CHN2: variants seen among roughly 807,000 people sequenced by gnomAD.
CHN2 encodes chimerin 2.
A neutral mutation model predicts 56.3 loss-of-function variants in CHN2; 35 were observed. The ratio of observed to expected loss-of-function variants is 0.62; its 90% CI spans 0.47 to 0.82. The LOEUF (loss-of-function observed/expected upper bound fraction) is 0.82. Ranked by LOEUF, CHN2 falls within the 40% of genes least tolerant of loss-of-function variation. CHN2 has a pLI of 0.00. For missense variants in CHN2, 491 were observed against 580.5 expected (o/e 0.85, Z 1.58); for synonymous variants, 210 against 212.8 (o/e 0.99, Z 0.12).
intron 1 of CHN2, among the ~76,000 whole-genome samples, chr7:29,314,104 C>T (rs1239243630): frequency 1.3e-5 from 2 of 152,162 alleles, no homozygotes; most frequent in Non-Finnish European, 2.9e-5. Flanking sequence ...ATTTGTACAC[C>T]ATGCTACAGT....
chr7:29,252,028 G>A (rs988532605), intron 1 of CHN2, among the ~76,000 whole-genome samples: 1 of 152,076 alleles, frequency 6.6e-6, no homozygotes, highest in Non-Finnish European at 1.5e-5. Context: ...AAGGCTCTGG[G>A]CTAGGAGAGA....
At chr7:29,382,085 G>A (rs1800558475) in intron 3 of CHN2, among the ~76,000 whole-genome samples, 2 of 152,184 alleles carry the variant, frequency 1.3e-5, no homozygotes, top group Non-Finnish European at 2.9e-5. Context: ...GGGTAATCAT[G>A]AGGATCGACA....
intron 8 of CHN2, among the ~76,000 whole-genome samples, chr7:29,498,758 C>G (rs1465821815): frequency 1.0e-5 from 1 of 100,078 alleles, no homozygotes; most frequent in Non-Finnish European, 1.9e-5. Context: ...ACTATGCTGC[C>G]TTTTTTTTTT....
At chr7:29,269,252 C>T (rs1043735307) in intron 1 of CHN2, among the ~76,000 whole-genome samples, 2 of 152,230 alleles carry the variant, frequency 1.3e-5, no homozygotes, top group African/African-American at 4.8e-5. Flanking sequence ...TCTCTATCTC[C>T]ATGAGTTCAA....
intron 6 of CHN2, among the ~76,000 whole-genome samples, chr7:29,421,104 T>C (rs1440513419): frequency 1.3e-5 from 2 of 152,164 alleles, no homozygotes; most frequent in African/African-American, 4.8e-5. Context: ...TATGGGTTTT[T>C]AAACCACAAC....
At chr7:29,314,923 C>T (rs1794854187) in intron 1 of CHN2, among the ~76,000 whole-genome samples, 1 of 151,760 alleles carries the variant, frequency 6.6e-6, no homozygotes, top group Admixed American at 6.6e-5. Flanking sequence ...ATTAAAACGA[C>T]ATCTTGGGTT....
At chr7:29,342,999 T>C (rs920046926) in intron 1 of CHN2, among the ~76,000 whole-genome samples, 1 of 152,236 alleles carries the variant, frequency 6.6e-6, no homozygotes, top group African/African-American at 2.4e-5. Context: ...AAGCTCTGGG[T>C]AAATATTTGT....
chr7:29,246,824 G>A (rs1788115613), intron 1 of CHN2, among the ~76,000 whole-genome samples: 2 of 152,172 alleles, frequency 1.3e-5, no homozygotes, highest in African/African-American at 2.4e-5. Flanking sequence ...AGGGATGAGG[G>A]AGCTCTCTGG....
At chr7:29,278,974 A>G (rs1284891369) in intron 1 of CHN2, among the ~76,000 whole-genome samples, 1 of 150,360 alleles carries the variant, frequency 6.7e-6, no homozygotes, top group African/African-American at 2.4e-5. Context: ...CTCCAGAGGA[A>G]GTCCCCAGGG....
chr7:29,324,776 AAG>A (rs552132182), intron 1 of CHN2, among the ~76,000 whole-genome samples: 3 of 152,204 alleles, frequency 2.0e-5, no homozygotes, highest in Non-Finnish European at 4.4e-5. Flanking sequence ...TTATTCTAGA[AAG>A]AGTAAAGGGT....
intron 2 of CHN2, chr7:29,185,576 C>T (rs1206931181): frequency 1.3e-5 from 2 of 151,746 alleles, no homozygotes; most frequent in Non-Finnish European, 2.9e-5. Context: ...CTTATCAAAC[C>T]TTAGCAGCAT....
At chr7:29,397,710 T>G (rs1801865839) in intron 4 of CHN2, 1 of 152,206 alleles carries the variant, frequency 6.6e-6, no homozygotes, top group African/African-American at 2.4e-5. Flanking sequence ...CACATCAGAG[T>G]GATCATGGGC....
chr7:29,387,124 C>A lies in CHN2; in HGVS notation c.145-6555C>A, dbSNP rs534926255. On this transcript the variant is annotated intron_variant, in intron 3 of 12. Transcript: ENST00000222792. ...CTTACCTTGGAGCATTGTTTAGAGA[C>A]TTAAATGAGACAAAAGGAGAGAAAC... Among the ~76,000 whole-genome samples the A allele has an allele frequency of 5.3e-5, 8 of 152,274 alleles. No individual in the cohort carries two copies. In the East Asian group the frequency reaches 1.5e-3, roughly 29 times the overall value.
rs1344849639 is a variant in CHN2, at chr7:29,367,980, C to T, written c.137C>T (p.Pro46Leu). The stretch of plus-strand genomic sequence containing the variant: ...CCTCGTCCCAAGAGAATCATTTGTC[C>T]TCGGGAGGTCAGTGCTCAGCTATTT... ...EAPRPKRIICPREVENRPKYY... is the reference protein window; with the variant it reads ...EAPRPKRIICLREVENRPKYY... Residue 46 changes from proline (P) to leucine (L), a missense_variant, in exon 3 of 13, where the codon CCT becomes CTT. By Grantham distance (98) the Pro-to-Leu change is moderately conservative. Coordinates refer to ENST00000222792, the MANE Select transcript of CHN2 (RefSeq NM_004067.4). 2.5e-6 allele frequency: 4 copies of T among 1,610,008 alleles called. No homozygotes were observed. Among genetic ancestry groups the T allele is most frequent in the African/African-American group, 1.3e-5 (1 of 74,686 alleles).
chr7:29,219,389 AAC>A (rs1312248286), intron 1 of CHN2, among the ~76,000 whole-genome samples: 1 of 152,226 alleles, frequency 6.6e-6, no homozygotes, highest in East Asian at 1.9e-4. Flanking sequence ...TATTTTTAAA[AAC>A]ACTTGAATGA....
chr7:29,458,740 A>G (rs3793260), intron 6 of CHN2, among the ~76,000 whole-genome samples: 11,677 of 152,266 alleles, frequency 0.077, 572 homozygotes, highest in African/African-American at 0.14. Context: ...AGTATTATCC[A>G]AACGTCCTCT....
intron 3 of CHN2, among the ~76,000 whole-genome samples, chr7:29,378,755 G>T (rs1010698016): frequency 6.6e-6 from 1 of 152,182 alleles, no homozygotes; most frequent in Non-Finnish European, 1.5e-5. Context: ...CACGAGGTTA[G>T]GAGATCGAGA....
At chr7:29,349,308 A>G (rs1797701703) in intron 1 of CHN2, among the ~76,000 whole-genome samples, 1 of 152,310 alleles carries the variant, frequency 6.6e-6, no homozygotes, top group South Asian at 2.1e-4. Context: ...TAAGCATTAT[A>G]AATATTAACC....
chr7:29,467,337 A>G (rs1045784674), intron 6 of CHN2, among the ~76,000 whole-genome samples: 1 of 152,158 alleles, frequency 6.6e-6, no homozygotes, highest in African/African-American at 2.4e-5. Flanking sequence ...TGTGTTTGAT[A>G]TGCGTGTTTG....
Sources: allele counts gnomAD v4.1 joint callset (sites outside exome capture counted in the v4.1 genomes callset), GRCh38; gene constraint gnomAD v4.1.1; transcripts MANE v1.5; gene names NCBI Gene and HGNC (gene_info 2026-07-23, HGNC 2026-07-21).